NFASC: variants seen among roughly 807,000 people sequenced by gnomAD.
NFASC encodes neurofascin homolog.
NFASC carries 43 observed loss-of-function variants against 147.5 expected under a neutral mutation model. The ratio of observed to expected loss-of-function variants is 0.29; its 90% CI spans 0.23 to 0.38. NFASC has a LOEUF of 0.38. Ranked by LOEUF, NFASC falls within the 10% of genes least tolerant of loss-of-function variation. NFASC has a pLI of 1.00. For missense variants in NFASC, 1,320 were observed against 1,689.0 expected (o/e 0.78, Z 3.83); for synonymous variants, 622 against 665.5 (o/e 0.93, Z 1.01).
chr1:204,832,279 G>T (rs1261597808), intron 1 of NFASC, among the ~76,000 whole-genome samples: 1 of 152,166 alleles, frequency 6.6e-6, no homozygotes. Context: ...GTATTTTAGG[G>T]GTAAAGTGTG....
intron 1 of NFASC, among the ~76,000 whole-genome samples, chr1:204,861,299 G>T (rs71633524): frequency 1.3e-5 from 2 of 151,936 alleles, no homozygotes; most frequent in South Asian, 4.2e-4. Context: ...ATGTTGCCCA[G>T]ATTGGCCTGC....
intron 1 of NFASC, among the ~76,000 whole-genome samples, chr1:204,885,246 C>T (rs2081088689): frequency 6.6e-6 from 1 of 152,120 alleles, no homozygotes; most frequent in Non-Finnish European, 1.5e-5. Context: ...CTCTCACCCA[C>T]CCATCACCCC....
chr1:204,880,905 G>T (rs1319302489), intron 1 of NFASC, among the ~76,000 whole-genome samples: 2 of 152,228 alleles, frequency 1.3e-5, no homozygotes, highest in African/African-American at 4.8e-5. Context: ...GGAGACAGAT[G>T]AAAGTGGATG....
At chr1:204,831,716 G>T (rs1041551423) in intron 1 of NFASC, among the ~76,000 whole-genome samples, 10 of 152,064 alleles carry the variant, frequency 6.6e-5, no homozygotes, top group Non-Finnish European at 1.5e-4. Context: ...GTGATGTTTG[G>T]GGTGGGGAGG....
At chr1:204,896,409 G>T (rs1039534152) in intron 1 of NFASC, among the ~76,000 whole-genome samples, 2 of 152,170 alleles carry the variant, frequency 1.3e-5, no homozygotes, top group Non-Finnish European at 2.9e-5. Context: ...GCTGTCACTT[G>T]TTTGTTTGCT....
At chr1:204,928,187 T>C (rs576994461) in intron 2 of NFASC, among the ~76,000 whole-genome samples, 2 of 152,324 alleles carry the variant, frequency 1.3e-5, no homozygotes, top group Admixed American at 1.3e-4. Flanking sequence ...AAATCTTATT[T>C]AAGCCAGCCC....
chr1:204,938,550 C>T (rs535901654), intron 2 of NFASC, among the ~76,000 whole-genome samples: 3 of 152,286 alleles, frequency 2.0e-5, no homozygotes, highest in South Asian at 4.1e-4. Flanking sequence ...CCGCCGGCTC[C>T]CATACTTTTA....
At chr1:204,953,585 C>T (rs1050963487) in intron 5 of NFASC, among the ~76,000 whole-genome samples, 14 of 152,276 alleles carry the variant, frequency 9.2e-5, no homozygotes, top group African/African-American at 2.9e-4. Flanking sequence ...CGTGAGCCAC[C>T]GCGCCCGGCC....
chr1:204,987,655 G>A lies in NFASC; in HGVS notation c.2593+115G>A. 1 of 1,206,290 alleles carries A rather than the reference G, an allele frequency of 8.3e-7. No individual in the cohort carries two copies. Among genetic ancestry groups the A allele is most frequent in the Non-Finnish European group, 1.2e-6 (1 of 840,430 alleles). The allele number at this position is 1,206,290 out of a possible 1,614,324, so 74.7% of individuals were successfully genotyped here. ...CTGTGGGTGCAGATGGCATTGTGGA[G>A]GGATGGAGGGGCCAACGAAACAGTT... On this transcript the variant is annotated intron_variant, in intron 22 of 29. Coordinates refer to ENST00000339876, the MANE Select transcript of NFASC (RefSeq NM_001005388.3). The surrounding 1 kb of genome is among the most constrained non-coding windows in gnomAD (Gnocchi z 4.4).
intron 1 of NFASC, among the ~76,000 whole-genome samples, chr1:204,852,040 C>T (rs753468504): frequency 2.2e-4 from 33 of 152,148 alleles, no homozygotes; most frequent in South Asian, 4.1e-4. Context: ...TTGTTAGAAA[C>T]AGGATTAGAC....
intron 25 of NFASC, chr1:204,999,697 C>T (rs1218710073): frequency 6.6e-6 from 1 of 152,206 alleles, no homozygotes; most frequent in Admixed American, 6.5e-5. Context: ...CTGGGGCAAC[C>T]AACGCCTGAC....
At chr1:204,918,972 G>A (rs996810692) in intron 1 of NFASC, among the ~76,000 whole-genome samples, 5 of 152,052 alleles carry the variant, frequency 3.3e-5, no homozygotes, top group African/African-American at 9.7e-5. Context: ...TCTGTTCAAA[G>A]TCCAACTTCT....
intron 8 of NFASC, among the ~76,000 whole-genome samples, chr1:204,962,338 C>G (rs1459417643): frequency 6.6e-6 from 1 of 152,240 alleles, no homozygotes; most frequent in Non-Finnish European, 1.5e-5. Flanking sequence ...GGTGGCTCAC[C>G]TGGTGGTGTG....
chr1:204,952,270 C>G (rs1292595422), intron 5 of NFASC, among the ~76,000 whole-genome samples, 154 bp downstream of exon 5: 2 of 152,156 alleles, frequency 1.3e-5, no homozygotes, highest in African/African-American at 4.8e-5. Context: ...ATTGAGGTAC[C>G]AGGAAATTTT....
In NFASC at chr1:204,897,882, C is replaced by T. The variant is rs140927849; in HGVS notation, c.-199-22750C>T. Among the ~76,000 whole-genome samples the T allele has an allele frequency of 9.9e-5, 15 of 151,934 alleles. No homozygotes were observed. The East Asian group carries it at 2.1e-3, about 22-fold the overall frequency. Reference sequence around the variant, plus strand: ...TCCCAAGTAGCTGGGATTACAGGTGCGTGCCACCACGCCCAGCTAATTTGT... The same window carrying T: ...TCCCAAGTAGCTGGGATTACAGGTGTGTGCCACCACGCCCAGCTAATTTGT... On this transcript the variant is annotated intron_variant, in intron 1 of 29. Coordinates refer to ENST00000339876, the MANE Select transcript of NFASC (RefSeq NM_001005388.3).
chr1:204,992,445 T>G (rs1051001655), intron 24 of NFASC, among the ~76,000 whole-genome samples: 1 of 152,176 alleles, frequency 6.6e-6, no homozygotes, highest in African/African-American at 2.4e-5. Context: ...AGTTTGTGTA[T>G]GTTTTGCGGC....
chr1:204,856,366 G>A (rs2076154216), intron 1 of NFASC, among the ~76,000 whole-genome samples: 1 of 140,498 alleles, frequency 7.1e-6, no homozygotes, highest in African/African-American at 2.7e-5. Context: ...AAAGTGCCAA[G>A]GAGAGATGCA....
intron 1 of NFASC, among the ~76,000 whole-genome samples, chr1:204,852,001 T>C (rs2075739306): frequency 6.6e-6 from 1 of 152,152 alleles, no homozygotes; most frequent in Non-Finnish European, 1.5e-5. Context: ...GAGTGAGGGA[T>C]GTAATGTGCC....
intron 2 of NFASC, among the ~76,000 whole-genome samples, chr1:204,921,840 G>GTT (rs560152804): frequency 4.7e-5 from 7 of 148,232 alleles, no homozygotes; most frequent in African/African-American, 1.7e-4. Flanking sequence ...TTCAGATATA[G>GTT]TTTTTTTTTT....
Sources: gnomAD v4.1 joint callset for allele counts (sites outside exome capture counted in the v4.1 genomes callset) on GRCh38, gnomAD v4.1.1 for gene constraint, Gnocchi (gnomAD v3.1) non-coding constraint, MANE v1.5 for transcripts, NCBI Gene and HGNC (gene_info 2026-07-23, HGNC 2026-07-21) for gene names.